The following ZNF428 variants were observed in gnomAD, a reference collection of about 807,000 sequenced individuals.
ZNF428 encodes the protein enzyme-like protein PIT13.
Under a neutral mutation model 15.6 loss-of-function variants are expected in ZNF428, and 5 were observed. The ratio of observed to expected loss-of-function variants is 0.32; its 90% CI spans 0.17 to 0.67. The LOEUF (loss-of-function observed/expected upper bound fraction) is 0.67. Among genes scored for constraint, ZNF428 ranks in the 30% least tolerant of loss-of-function variants. The pLI is 0.73. For missense variants in ZNF428, 237 were observed against 256.0 expected (o/e 0.93, Z 0.51); for synonymous variants, 97 against 102.2 (o/e 0.95, Z 0.31).
Position 43,615,157 on chromosome 19 carries a change from C to T in ZNF428, c.-130-723G>A, listed in dbSNP as rs186345713. 6.6e-5 allele frequency among the ~76,000 whole-genome samples: 10 copies of T among 152,218 alleles called. No homozygotes were observed. The East Asian group carries it at 1.2e-3, about 18-fold the overall frequency. ...TTTTTCCTCTACTCTCACACTATCACAACAATCATCAACACAGAATTCTGT... is the reference window on the plus strand; with the variant it reads ...TTTTTCCTCTACTCTCACACTATCATAACAATCATCAACACAGAATTCTGT... On this transcript the variant is annotated intron_variant, in intron 1 of 2. Transcript: ENST00000300811.
Position 43,607,417 on chromosome 19 carries a change from AC to A in ZNF428, c.*199del. The A allele has an allele frequency of 2.1e-5, 1 of 46,800 alleles. No homozygotes were observed. The highest frequency in any genetic ancestry group is 4.5e-5 in the Non-Finnish European group (1 of 22,360). The allele number at this position is 46,800 out of a possible 1,614,324, so 2.9% of individuals were successfully genotyped here. A position where few individuals can be genotyped will look rare whatever the true frequency, so the allele number is the denominator to read the frequency against. On this transcript the variant is annotated 3_prime_UTR_variant, in exon 3 of 3. Coordinates refer to ENST00000300811, the MANE Select transcript of ZNF428 (RefSeq NM_182498.4). This position sits in a 1 kb window ranked among gnomAD's most constrained non-coding sequence, Gnocchi z 5.1. ...CACAAACACACACACGGGCGGGAAT[AC>A]ACACACACACACACACACTCTGAAC...
In ZNF428 at chr19:43,614,345, TGA is replaced by T; in HGVS notation, c.-43_-42del. The T allele has an allele frequency of 6.4e-7, 1 of 1,557,232 alleles. No homozygotes were observed. The highest frequency in any genetic ancestry group is 8.7e-7 in the Non-Finnish European group (1 of 1,153,904). ...CAGGAGACAGGAGCAGAGCAGCAGC[TGA>T]GCAGCGTCCCTCCCCGGCCAGCTCT... On this transcript the variant is annotated 5_prime_UTR_variant, in exon 2 of 3. Coordinates refer to ENST00000300811, the MANE Select transcript of ZNF428 (RefSeq NM_182498.4).
chr19:43,608,159 G>A (rs755719307), intron 2 of ZNF428, 52 bp from the exon 3 acceptor site: 6 of 1,562,756 alleles, frequency 3.8e-6, no homozygotes, highest in Admixed American at 1.8e-5. Context: ...AAGAGGGCTA[G>A]GCCAAGCTGT....
intron 2 of ZNF428, chr19:43,613,293 A>T: frequency 6.4e-7 from 1 of 1,551,574 alleles, no homozygotes; most frequent in South Asian, 1.2e-5. Context: ...GGTCGCAGTC[A>T]ATCAGGAAGC....
At chr19:43,619,349 C>A (rs1220868540) in intron 1 of ZNF428, among the ~76,000 whole-genome samples, 1 of 152,226 alleles carries the variant, frequency 6.6e-6, no homozygotes, top group African/African-American at 2.4e-5. Flanking sequence ...AGCGGACCGA[C>A]TCCCACAGCG....
Position 43,607,875 on chromosome 19 carries a change from C to G in ZNF428, c.309G>C (p.Glu103Asp). 2 of 1,557,438 alleles carry G rather than the reference C, an allele frequency of 1.3e-6. No homozygotes were observed. Among genetic ancestry groups the G allele is most frequent in the Non-Finnish European group, 1.7e-6 (2 of 1,150,506 alleles). The change falls in exon 3 of 3, where the codon GAG becomes GAC. Residue 103 changes from glutamate (E) to aspartate (D), a missense_variant. Coordinates refer to ENST00000300811, the MANE Select transcript of ZNF428 (RefSeq NM_182498.4). The surrounding 1 kb of genome is among the most constrained non-coding windows in gnomAD (Gnocchi z 5.1). ...CQLCGRSPLGEAPPGTPPCRL... is the reference protein window; with the variant it reads ...CQLCGRSPLGDAPPGTPPCRL... Reference sequence around the variant, plus strand: ...GGCAGGGTGGGGTTCCCGGTGGGGCCTCCCCAAGGGGTGAGCGGCCACAGA... The same window carrying G: ...GGCAGGGTGGGGTTCCCGGTGGGGCGTCCCCAAGGGGTGAGCGGCCACAGA...
At position 43,612,296 on chromosome 19, in the gene ZNF428, C is replaced by T; in HGVS notation, c.76+1933G>A. 1.3e-6 allele frequency: 2 copies of T among 1,551,650 alleles called. No individual in the cohort carries two copies. Among genetic ancestry groups the T allele is most frequent in the Non-Finnish European group, 1.7e-6 (2 of 1,146,988 alleles). ...GACATCCCGTAACTCAGTCATGAGC[C>T]CAAGCAGTTCCAAGTCCACCAAATC... On this transcript the variant is annotated intron_variant, in intron 2 of 2. Transcript: ENST00000300811. This position sits in a 1 kb window ranked among gnomAD's most constrained non-coding sequence, Gnocchi z 4.2.
chr19:43,608,128 G>T lies in ZNF428; in HGVS notation c.77-21C>A, dbSNP rs369520271. The T allele has an allele frequency of 3.8e-6, 6 of 1,597,206 alleles. No homozygotes were observed. In the African/African-American group the frequency reaches 5.3e-5, roughly 14 times the overall value. On this transcript the variant is annotated intron_variant, in intron 2 of 2. Transcript: ENST00000300811. ...GGGGCCTGGAGGGGGACAGACAGGG[G>T]AAGACAGTGGTATCAGAGGAAAGAG... is the stretch of plus-strand genomic sequence containing the variant.
At chr19:43,613,425 G>C (rs993083493) in intron 2 of ZNF428, 14 of 1,528,516 alleles carry the variant, frequency 9.2e-6, no homozygotes, top group African/African-American at 1.4e-5. Flanking sequence ...AACAAGGCGA[G>C]AGATTGCAGC....
In ZNF428 at chr19:43,607,630, C is replaced by T. The variant is rs1160439001; in HGVS notation, c.554G>A (p.Arg185Gln). The change falls in exon 3 of 3, where the codon CGG (arginine) becomes CAG (glutamine). Residue 185 changes from arginine (R) to glutamine (Q), a missense_variant. Transcript: ENST00000300811. The surrounding 1 kb of genome is among the most constrained non-coding windows in gnomAD (Gnocchi z 5.1). ...TGGGGGCTCTGCCTACACCTCACCC[C>T]GGGCATGCAGCATGAAGTGCCCGTG... ...ELHGHFMLHA[R>Q]GEV 2 of 1,589,292 alleles carry T rather than the reference C, an allele frequency of 1.3e-6. No homozygotes were observed. The highest frequency in any genetic ancestry group is 8.6e-7 in the Non-Finnish European group (1 of 1,165,122).
In ZNF428 at chr19:43,613,545, G is replaced by A. The variant is rs1188413507; in HGVS notation, c.76+684C>T. 13 of 1,551,042 alleles carry A rather than the reference G, an allele frequency of 8.4e-6. No individual in the cohort carries two copies. Among genetic ancestry groups the A allele is most frequent in the East Asian group, 7.3e-5 (3 of 40,868 alleles). ...CCCAACAAGGCGAGAGATCGCAGCC[G>A]ATCTAGAAGCCCCAGCAAGGAAAGA... On this transcript the variant is annotated intron_variant, in intron 2 of 2. Coordinates refer to ENST00000300811, the MANE Select transcript of ZNF428 (RefSeq NM_182498.4).
Position 43,612,171 on chromosome 19 carries a change from G to A in ZNF428, c.76+2058C>T. 2.6e-6 allele frequency: 4 copies of A among 1,551,704 alleles called. No individual in the cohort carries two copies. On this transcript the variant is annotated intron_variant, in intron 2 of 2. Coordinates refer to ENST00000300811, the MANE Select transcript of ZNF428 (RefSeq NM_182498.4). The surrounding 1 kb of genome is among the most constrained non-coding windows in gnomAD (Gnocchi z 4.2). ...AAGCCCAGTATGTCTCTGGCACCCA[G>A]TGGATCCTCCATGCCCACTGCGGAT... is the stretch of plus-strand genomic sequence containing the variant.
rs578083437 is a variant in ZNF428, at chr19:43,608,209, G to A, written c.77-102C>T. 3.4e-6 allele frequency: 5 copies of A among 1,483,898 alleles called. No individual in the cohort carries two copies. The Admixed American group carries it at 8.1e-5, about 24-fold the overall frequency. The allele number at this position is 1,483,898 out of a possible 1,614,324, so 91.9% of individuals were successfully genotyped here. The stretch of plus-strand genomic sequence containing the variant: ...CCCACATTCAGACTTGCCATAGTAT[G>A]ACAAGGATAGCCTAGACACTACCCT... On this transcript the variant is annotated intron_variant, in intron 2 of 2. Transcript: ENST00000300811.
rs1285265821 is a variant in ZNF428, at chr19:43,612,492, C to G, written c.76+1737G>C. ...GGCACACACAGCCGGGGTAGGACACCTGGCAGAAGGGGAAGCCGCAGCTCC... is the reference window on the plus strand; with the variant it reads ...GGCACACACAGCCGGGGTAGGACACGTGGCAGAAGGGGAAGCCGCAGCTCC... On this transcript the variant is annotated intron_variant, in intron 2 of 2. Transcript: ENST00000300811. This position sits in a 1 kb window ranked among gnomAD's most constrained non-coding sequence, Gnocchi z 4.2. 3.2e-6 allele frequency: 5 copies of G among 1,551,324 alleles called. No individual in the cohort carries two copies. In the Middle Eastern group the frequency reaches 5.0e-4, roughly 155 times the overall value.
chr19:43,619,207 C>T (rs1201291245), intron 1 of ZNF428, among the ~76,000 whole-genome samples: 1 of 152,196 alleles, frequency 6.6e-6, no homozygotes, highest in African/African-American at 2.4e-5. Context: ...CCTATAGCGA[C>T]CACCTTCCCA....
intron 2 of ZNF428, among the ~76,000 whole-genome samples, chr19:43,609,015 G>A (rs1973268423): frequency 6.6e-6 from 1 of 152,118 alleles, no homozygotes; most frequent in Admixed American, 6.5e-5. Flanking sequence ...GGGGAGGTGG[G>A]GTGGGAGGCA....
intron 1 of ZNF428, among the ~76,000 whole-genome samples, chr19:43,618,425 TTAAC>T (rs979167703): frequency 2.0e-5 from 3 of 151,998 alleles, no homozygotes; most frequent in African/African-American, 7.3e-5. Context: ...CTTCCAGGCC[TTAAC>T]TCATGTACTC....
intron 2 of ZNF428, among the ~76,000 whole-genome samples, chr19:43,609,118 T>G (rs1046636360): frequency 6.6e-6 from 1 of 152,124 alleles, no homozygotes; most frequent in East Asian, 1.9e-4. Flanking sequence ...ATTAACTCAC[T>G]AAATCCTCAA....
rs1368874716 is a variant in ZNF428 at position 43,612,790 on chromosome 19, T to C, written c.76+1439A>G. ...GTACAGCCAAGTGTCAAACCCCGACTGGAATTCCCTCCAAGGAGAAGAGTG... is the reference window on the plus strand; with the variant it reads ...GTACAGCCAAGTGTCAAACCCCGACCGGAATTCCCTCCAAGGAGAAGAGTG... On this transcript the variant is annotated intron_variant, in intron 2 of 2. Coordinates refer to ENST00000300811, the MANE Select transcript of ZNF428 (RefSeq NM_182498.4). The surrounding 1 kb of genome is among the most constrained non-coding windows in gnomAD (Gnocchi z 4.2). The C allele has an allele frequency of 1.7e-5, 27 of 1,551,552 alleles. No individual in the cohort carries two copies. The highest frequency in any genetic ancestry group is 2.4e-5 in the Non-Finnish European group (27 of 1,146,958).
Sources: allele counts gnomAD v4.1 joint callset (sites outside exome capture counted in the v4.1 genomes callset), GRCh38; gene constraint gnomAD v4.1.1; non-coding constraint Gnocchi (gnomAD v3.1); transcripts MANE v1.5; gene names NCBI Gene and HGNC (gene_info 2026-07-23, HGNC 2026-07-21).